BNC2: variants seen among roughly 807,000 people sequenced by gnomAD.
BNC2 encodes the protein zinc finger protein basonuclin-2.
A neutral mutation model predicts 76.3 loss-of-function variants in BNC2; 20 were observed. The observed-to-expected ratio is 0.26, with a 90% confidence interval of 0.18 to 0.38. The LOEUF (loss-of-function observed/expected upper bound fraction) is 0.38. Ranked by LOEUF, BNC2 falls within the 10% of genes least tolerant of loss-of-function variation. The probability of loss-of-function intolerance (pLI) is 1.00; values close to 1 mark genes in which losing one functional copy is unlikely to be tolerated. For synonymous variants in BNC2, 582 were observed against 514.8 expected (o/e 1.13, Z -1.77); for missense variants, 1,382 against 1,399.8 (o/e 0.99, Z 0.20).
chr9:16,744,261 G>T (rs755406142), intron 1 of BNC2, among the ~76,000 whole-genome samples: 1 of 152,076 alleles, frequency 6.6e-6, no homozygotes, highest in Non-Finnish European at 1.5e-5. Context: ...AAGCCACCAC[G>T]CCTGGCCTAG....
intron 1 of BNC2, among the ~76,000 whole-genome samples, chr9:16,827,394 G>A (rs540366015): frequency 6.6e-6 from 1 of 152,248 alleles, no homozygotes; most frequent in East Asian, 1.9e-4. Context: ...GCCTCAGTGG[G>A]ACCCACTGAA....
At chr9:16,605,073 C>T (rs778859135) in intron 3 of BNC2, among the ~76,000 whole-genome samples, 1 of 151,936 alleles carries the variant, frequency 6.6e-6, no homozygotes, top group African/African-American at 2.4e-5. Context: ...CTCATACACG[C>T]CAAAGAATAA....
intron 3 of BNC2, among the ~76,000 whole-genome samples, chr9:16,611,151 T>C (rs1376135417): frequency 1.3e-5 from 2 of 152,298 alleles, no homozygotes; most frequent in East Asian, 1.9e-4. Flanking sequence ...ATGTACAATA[T>C]GTCTGTGGTT....
At chr9:16,594,917 T>C (rs535785525) in intron 3 of BNC2, among the ~76,000 whole-genome samples, 1 of 152,198 alleles carries the variant, frequency 6.6e-6, no homozygotes, top group South Asian at 2.1e-4. Flanking sequence ...TAGGAGCTTA[T>C]AACCAAATAG....
intron 3 of BNC2, among the ~76,000 whole-genome samples, chr9:16,626,850 C>A (rs947201907): frequency 1.3e-5 from 2 of 152,078 alleles, no homozygotes; most frequent in Non-Finnish European, 2.9e-5. Flanking sequence ...TGCCTGTGAC[C>A]CAGCAGTGAG....
At chr9:16,652,851 C>G (rs976032314) in intron 3 of BNC2, among the ~76,000 whole-genome samples, 7 of 152,130 alleles carry the variant, frequency 4.6e-5, no homozygotes, top group Non-Finnish European at 1.5e-5. Context: ...CAAAGAGTAA[C>G]TGAAACACCT....
chr9:16,527,566 G>C (rs1817843939), intron 5 of BNC2, among the ~76,000 whole-genome samples: 1 of 152,182 alleles, frequency 6.6e-6, no homozygotes, highest in Admixed American at 6.5e-5. Flanking sequence ...GAAAGAACCT[G>C]CATAAGCTTC....
At chr9:16,512,234 A>G (rs1047602612) in intron 5 of BNC2, among the ~76,000 whole-genome samples, 4 of 152,204 alleles carry the variant, frequency 2.6e-5, no homozygotes, top group Non-Finnish European at 5.9e-5. Context: ...AAATTATTCT[A>G]TTCTGTCAAA....
intron 5 of BNC2, among the ~76,000 whole-genome samples, chr9:16,509,127 A>G (rs1231372861): frequency 6.6e-6 from 1 of 152,046 alleles, no homozygotes; most frequent in African/African-American, 2.4e-5. Context: ...TGTTCAGCCA[A>G]TGTTTTGCAC....
intron 5 of BNC2, among the ~76,000 whole-genome samples, chr9:16,515,979 A>C (rs1178978744): frequency 1.3e-5 from 2 of 152,144 alleles, no homozygotes; most frequent in African/African-American, 4.8e-5. Flanking sequence ...CTACCATAAA[A>C]GGAAGAAGTC....
chr9:16,845,589 C>T (rs1233159673), intron 1 of BNC2, among the ~76,000 whole-genome samples: 1 of 151,950 alleles, frequency 6.6e-6, no homozygotes, highest in Non-Finnish European at 1.5e-5. Flanking sequence ...GGTGTAGCGG[C>T]GTGGGCCTGT....
At chr9:16,627,997 G>A (rs1821046383) in intron 3 of BNC2, among the ~76,000 whole-genome samples, 1 of 152,078 alleles carries the variant, frequency 6.6e-6, no homozygotes, top group Non-Finnish European at 1.5e-5. Flanking sequence ...AGCTAATAAC[G>A]GGTTCAGGCC....
chr9:16,862,635 T>A (rs1000955934), intron 1 of BNC2, among the ~76,000 whole-genome samples: 1 of 152,064 alleles, frequency 6.6e-6, no homozygotes, highest in Non-Finnish European at 1.5e-5. Flanking sequence ...CTGCAGAGAG[T>A]AGCTACTGCC....
At chr9:16,479,221 G>T (rs1335219994) in intron 5 of BNC2, among the ~76,000 whole-genome samples, 1 of 146,056 alleles carries the variant, frequency 6.8e-6, no homozygotes, top group African/African-American at 2.6e-5. Context: ...CTGTACTCCA[G>T]CCTGGGCGAC....
intron 1 of BNC2, among the ~76,000 whole-genome samples, chr9:16,762,989 T>C (rs1326714016): frequency 6.6e-6 from 1 of 152,176 alleles, no homozygotes; most frequent in African/African-American, 2.4e-5. Context: ...AAAGGTTAAG[T>C]GACTTGACCA....
At position 16,508,224 on chromosome 9, in the gene BNC2, T is replaced by C. The variant is rs374862199; in HGVS notation, c.669+44306A>G. On this transcript the variant is annotated intron_variant, in intron 5 of 6. Transcript: ENST00000380672. ...TATAAACCCTAAAAGGAGACTTACTTATTCTGCTCCATAGGTCCTCAGGAC... is the reference window on the plus strand; with the variant it reads ...TATAAACCCTAAAAGGAGACTTACTCATTCTGCTCCATAGGTCCTCAGGAC... Among the ~76,000 whole-genome samples, 48 of 152,342 alleles carry C rather than the reference T, an allele frequency of 3.2e-4. No homozygotes were observed. In the South Asian group the frequency reaches 9.7e-3, roughly 31 times the overall value.
At chr9:16,809,379 T>C (rs1244784222) in intron 1 of BNC2, among the ~76,000 whole-genome samples, 2 of 152,002 alleles carry the variant, frequency 1.3e-5, no homozygotes, top group East Asian at 3.9e-4. Context: ...AAAAATGCCT[T>C]CGATTGCAGA....
At chr9:16,511,391 A>T (rs1198375666) in intron 5 of BNC2, among the ~76,000 whole-genome samples, 1 of 144,930 alleles carries the variant, frequency 6.9e-6, no homozygotes, top group African/African-American at 2.6e-5. Context: ...GATCACAGCC[A>T]TGAGCCACCA....
intron 5 of BNC2, among the ~76,000 whole-genome samples, chr9:16,486,239 CCAGAGGAAAATGAAGT>C (rs1225489380): frequency 2.6e-5 from 4 of 152,172 alleles, no homozygotes; most frequent in East Asian, 1.9e-4. Context: ...CCTGTTTCAG[CCAGAGGAAAATGAAGT>C]CAGAGGAAAA....
Sources: gnomAD v4.1 joint callset for allele counts (sites outside exome capture counted in the v4.1 genomes callset) on GRCh38, gnomAD v4.1.1 for gene constraint, MANE v1.5 for transcripts, NCBI Gene and HGNC (gene_info 2026-07-23, HGNC 2026-07-21) for gene names.